Variants in CEP128 observed in about 807,000 individuals in gnomAD.
CEP128 encodes centrosomal protein 128, also known as centrosomal protein 128kDa.
CEP128 carries 132 observed loss-of-function variants against 156.7 expected under a neutral mutation model. The observed-to-expected ratio is 0.84, with a 90% CI of 0.73 to 0.97. The LOEUF (loss-of-function observed/expected upper bound fraction) is 0.97. Among genes scored for constraint, CEP128 ranks in the 50% least tolerant of loss-of-function variants. The probability of loss-of-function intolerance (pLI) is 0.00; values close to 1 mark genes in which losing one functional copy is unlikely to be tolerated. For missense variants in CEP128, 1,252 were observed against 1,281.9 expected, an observed-to-expected ratio of 0.98 and a Z score of 0.36; for synonymous variants, 469 against 448.9, an observed-to-expected ratio of 1.04 and a Z score of -0.57.
At chr14:80,564,720 C>G (rs1000276561) in intron 20 of CEP128, among the ~76,000 whole-genome samples, 7 of 152,148 alleles carry the variant, frequency 4.6e-5, no homozygotes, top group African/African-American at 1.7e-4. Flanking sequence ...TGCTTCTTGC[C>G]TGGGGTCCAG....
At chr14:80,563,522 A>ATTTTTTTT (rs1595010139) in intron 20 of CEP128, among the ~76,000 whole-genome samples, 20 of 107,158 alleles carry the variant, frequency 1.9e-4, no homozygotes, top group East Asian at 1.1e-3. Context: ...GGGCCTCCAA[A>ATTTTTTTT]TCTTTTTTTT....
intron 24 of CEP128, among the ~76,000 whole-genome samples, chr14:80,499,840 A>T (rs2140175657): frequency 6.6e-6 from 1 of 152,318 alleles, no homozygotes; most frequent in African/African-American, 2.4e-5. Context: ...AAAAGCAAAA[A>T]TGACAGTTTC....
intron 19 of CEP128, among the ~76,000 whole-genome samples, chr14:80,624,810 G>A (rs1193244379): frequency 6.6e-6 from 1 of 151,998 alleles, no homozygotes; most frequent in African/African-American, 2.4e-5. Context: ...TACATATTCT[G>A]AATATTAGTC....
intron 20 of CEP128, among the ~76,000 whole-genome samples, chr14:80,561,442 G>C (rs1215102494): frequency 6.6e-6 from 1 of 152,106 alleles, no homozygotes; most frequent in African/African-American, 2.4e-5. Context: ...GTGCATCTGG[G>C]ACAAAAACCA....
At chr14:80,588,114 A>G (rs1037003259) in intron 19 of CEP128, among the ~76,000 whole-genome samples, 2 of 152,164 alleles carry the variant, frequency 1.3e-5, no homozygotes, top group African/African-American at 4.8e-5. Flanking sequence ...TAGGCCTTGT[A>G]GATTCCTGGG....
chr14:80,559,288 T>C lies in CEP128; in HGVS notation c.2871A>G (p.Ala957=), dbSNP rs1890569440. 1.9e-6 allele frequency: 3 copies of C among 1,605,256 alleles called. No individual in the cohort carries two copies. The highest frequency in any genetic ancestry group is 2.6e-6 in the Non-Finnish European group (3 of 1,176,398). ...EMGSLQDRVI[A]LETSTQVALD... ...AAATGCCCCAACTTACCGTTTCTAA[T>C]GCAATTACACGGTCCTGCAAAGAAA... Residue 957 remains alanine (A), a synonymous_variant, in exon 21 of 25, where the codon GCA becomes GCG. Transcript: ENST00000555265.
intron 20 of CEP128, among the ~76,000 whole-genome samples, chr14:80,575,069 T>C (rs889917406): frequency 6.7e-6 from 1 of 149,820 alleles, no homozygotes; most frequent in African/African-American, 2.4e-5. Flanking sequence ...AGATTGTACA[T>C]ATTTTTATAT....
chr14:80,811,978 G>A (rs960562851), intron 13 of CEP128, among the ~76,000 whole-genome samples: 1 of 151,906 alleles, frequency 6.6e-6, no homozygotes, highest in South Asian at 2.1e-4. Flanking sequence ...TTGTTACATG[G>A]GTAAATTGCA....
intron 4 of CEP128, among the ~76,000 whole-genome samples, chr14:80,909,252 A>G (rs1884067870): frequency 6.6e-6 from 1 of 151,872 alleles, no homozygotes; most frequent in African/African-American, 2.4e-5. Context: ...AGAAGAGTTG[A>G]TCTGAAATAA....
At chr14:80,525,229 G>GA (rs1189479494) in intron 23 of CEP128, among the ~76,000 whole-genome samples, 1 of 152,132 alleles carries the variant, frequency 6.6e-6, no homozygotes, top group African/African-American at 2.4e-5. Context: ...GTGACTTCCA[G>GA]AAAAAATTAG....
intron 14 of CEP128, among the ~76,000 whole-genome samples, chr14:80,789,730 G>C (rs1901603808): frequency 6.6e-6 from 1 of 151,568 alleles, no homozygotes; most frequent in African/African-American, 2.4e-5. Context: ...CCAAAAGAAT[G>C]ATACTATTTA....
chr14:80,823,857 C>G (rs1010862983), intron 13 of CEP128, among the ~76,000 whole-genome samples: 2 of 152,240 alleles, frequency 1.3e-5, no homozygotes, highest in South Asian at 2.1e-4. Context: ...TCTCACAGTT[C>G]CACTGGGCAG....
chr14:80,607,490 C>A (rs190220839), intron 19 of CEP128, among the ~76,000 whole-genome samples: 6 of 152,142 alleles, frequency 3.9e-5, no homozygotes, highest in Non-Finnish European at 8.8e-5. Context: ...ATGCACAAAG[C>A]TGGACTGACC....
intron 21 of CEP128, among the ~76,000 whole-genome samples, chr14:80,556,846 G>C (rs1890458794): frequency 6.6e-6 from 1 of 152,130 alleles, no homozygotes; most frequent in African/African-American, 2.4e-5. Context: ...ATGATCTTGA[G>C]ATAGCTTTCA....
At chr14:80,526,513 G>C (rs989835394) in intron 23 of CEP128, among the ~76,000 whole-genome samples, 5 of 152,122 alleles carry the variant, frequency 3.3e-5, no homozygotes, top group African/African-American at 9.7e-5. Context: ...GCAGACTTCA[G>C]TGTGGAGAGC....
intron 19 of CEP128, among the ~76,000 whole-genome samples, chr14:80,734,115 T>C (rs920338529): frequency 5.9e-5 from 9 of 152,166 alleles, no homozygotes; most frequent in Admixed American, 2.0e-4. Flanking sequence ...AACCCTGACT[T>C]CAACATCTCC....
intron 14 of CEP128, among the ~76,000 whole-genome samples, chr14:80,484,368 ATTTACC>A (rs1369753044): frequency 6.6e-6 from 1 of 152,184 alleles, no homozygotes; most frequent in African/African-American, 2.4e-5. Flanking sequence ...AGTGGTGATG[ATTTACC>A]TTGGTCAGAC....
In CEP128 at chr14:80,742,990, C is replaced by T; in HGVS notation, c.2806+85G>A. Reference sequence around the variant, plus strand: ...GCTTGGAAATAGTCCAAAGGGGATGCAACAGAAGTAGGTTTTTTTCCAATC... The same window carrying T: ...GCTTGGAAATAGTCCAAAGGGGATGTAACAGAAGTAGGTTTTTTTCCAATC... On this transcript the variant is annotated intron_variant, in intron 19 of 24. Coordinates refer to ENST00000555265, the MANE Select transcript of CEP128 (RefSeq NM_152446.5). 2.6e-6 allele frequency: 3 copies of T among 1,152,780 alleles called. No homozygotes were observed. The South Asian group carries it at 4.0e-5, about 15-fold the overall frequency. 71.4% of individuals were successfully genotyped at this position (1,152,780 alleles called of 1,614,324 possible).
intron 19 of CEP128, among the ~76,000 whole-genome samples, chr14:80,690,567 C>G (rs1004614235): frequency 5.3e-5 from 8 of 152,054 alleles, no homozygotes; most frequent in Non-Finnish European, 1.0e-4. Context: ...ATAACAACAA[C>G]AACAAAATCT....
Sources: gnomAD v4.1 joint callset for allele counts (sites outside exome capture counted in the v4.1 genomes callset) on GRCh38, gnomAD v4.1.1 for gene constraint, MANE v1.5 for transcripts, NCBI Gene and HGNC (gene_info 2026-07-23, HGNC 2026-07-21) for gene names.